Variants in LMNTD1 observed in about 807,000 individuals in gnomAD.
LMNTD1 encodes lamin tail domain-containing protein 1.
In LMNTD1, 35 loss-of-function variants were observed where a neutral mutation model predicts 50.9. The ratio of observed to expected loss-of-function variants is 0.69; its 90% CI spans 0.53 to 0.91. LMNTD1 has a LOEUF of 0.91. LMNTD1 is among the 40% of genes least tolerant of loss of function. The pLI, the probability that LMNTD1 is intolerant of heterozygous loss-of-function variation, is 0.00. For missense variants in LMNTD1, 470 were observed against 475.5 expected (o/e 0.99, Z 0.11); for synonymous variants, 153 against 161.9 (o/e 0.94, Z 0.42).
At chr12:25,572,933 C>T (rs1425385122) in intron 1 of LMNTD1, among the ~76,000 whole-genome samples, 3 of 152,044 alleles carry the variant, frequency 2.0e-5, no homozygotes, top group African/African-American at 7.2e-5. Flanking sequence ...GTAAGTCACG[C>T]CTGCTCTCAG....
chr12:25,622,326 C>T (rs950620564), intron 1 of LMNTD1, among the ~76,000 whole-genome samples: 14 of 152,064 alleles, frequency 9.2e-5, no homozygotes, highest in Non-Finnish European at 1.5e-4. Flanking sequence ...CTAACTTCAC[C>T]GTATGACTTA....
intron 1 of LMNTD1, among the ~76,000 whole-genome samples, chr12:25,572,883 A>C (rs1944853576): frequency 7.1e-6 from 1 of 141,254 alleles, no homozygotes; most frequent in Admixed American, 7.8e-5. Context: ...TTTACTGCTC[A>C]CTCGCATTTC....
intron 1 of LMNTD1, among the ~76,000 whole-genome samples, chr12:25,625,634 T>G (rs1250050772): frequency 1.3e-5 from 2 of 152,326 alleles, no homozygotes; most frequent in Middle Eastern, 3.4e-3. Flanking sequence ...TTAAGCTAGT[T>G]CTTTTCAGAC....
rs1456752589 is a variant in LMNTD1, at chr12:25,519,856, A to T, written c.1016+2T>A. ...AAAACAAACAAACCAAACAACCCTT[A>T]CCTCTTAAGAAGAACTTGAGCTTGT... On this transcript the variant is annotated splice_donor_variant, in intron 7 of 9. Transcript: ENST00000458174. LOFTEE classifies it high-confidence loss of function. The T allele has an allele frequency of 1.9e-6, 3 of 1,603,272 alleles. No homozygotes were observed. The highest frequency in any genetic ancestry group is 1.7e-5 in the Admixed American group (1 of 59,838).
intron 4 of LMNTD1, among the ~76,000 whole-genome samples, chr12:25,529,073 G>C (rs1321088064): frequency 6.6e-6 from 1 of 152,104 alleles, no homozygotes; most frequent in Non-Finnish European, 1.5e-5. Context: ...GCAACTGTTA[G>C]TCTATATCTT....
intron 4 of LMNTD1, among the ~76,000 whole-genome samples, chr12:25,534,083 A>G (rs2136136548): frequency 6.6e-6 from 1 of 152,350 alleles, no homozygotes. Context: ...GGTCTTGGAT[A>G]TAGTGTAACT....
At chr12:25,519,798 A>G in intron 7 of LMNTD1, 60 bp downstream of exon 7, 1 of 1,111,150 alleles carries the variant, frequency 9.0e-7, no homozygotes, top group Non-Finnish European at 1.4e-6. Context: ...TCGTTCCCAC[A>G]TGCTTAGTTA....
At chr12:25,552,755 T>C (rs1471480015) in intron 2 of LMNTD1, 116 bp downstream of exon 2, 1 of 650,960 alleles carries the variant, frequency 1.5e-6, no homozygotes, top group Non-Finnish European at 2.7e-6. Flanking sequence ...TTGTGAGATA[T>C]ATTCTAGTTC....
upstream of LMNTD1, among the ~76,000 whole-genome samples, chr12:25,555,879 G>C (rs140201624): frequency 5.3e-4 from 80 of 151,746 alleles, no homozygotes; most frequent in Middle Eastern, 3.4e-3. Flanking sequence ...TGTTAATGGT[G>C]TCATCAACAT....
intron 1 of LMNTD1, among the ~76,000 whole-genome samples, chr12:25,597,075 A>G (rs1945858522): frequency 6.6e-6 from 1 of 152,126 alleles, no homozygotes; most frequent in South Asian, 2.1e-4. Flanking sequence ...CACGAAAAAT[A>G]AAAAGCAAGA....
chr12:25,609,003 G>A (rs1369260406), intron 1 of LMNTD1, among the ~76,000 whole-genome samples: 2 of 152,072 alleles, frequency 1.3e-5, no homozygotes, highest in East Asian at 3.8e-4. Flanking sequence ...CATATTTCTT[G>A]GAGGCTTTGT....
At chr12:25,641,793 CA>C (rs1164884415) in intron 1 of LMNTD1, among the ~76,000 whole-genome samples, 1 of 152,066 alleles carries the variant, frequency 6.6e-6, no homozygotes, top group East Asian at 1.9e-4. Context: ...GGAAATTAAA[CA>C]ACTGCTGAAA....
chr12:25,627,918 G>A (rs1216858655), intron 1 of LMNTD1, among the ~76,000 whole-genome samples: 2 of 151,552 alleles, frequency 1.3e-5, no homozygotes, highest in Non-Finnish European at 2.9e-5. Context: ...GACCATCCTG[G>A]CTAACACGGT....
chr12:25,539,606 C>A (rs1023956034), intron 4 of LMNTD1, among the ~76,000 whole-genome samples: 1 of 151,402 alleles, frequency 6.6e-6, no homozygotes, highest in Non-Finnish European at 1.5e-5. Context: ...GCACTAAATG[C>A]CCACAAGAGA....
chr12:25,539,264 A>G (rs2136177564), intron 4 of LMNTD1, among the ~76,000 whole-genome samples: 1 of 151,012 alleles, frequency 6.6e-6, no homozygotes, highest in African/African-American at 2.4e-5. Flanking sequence ...AAATCAACAG[A>G]ATATACATTT....
intron 1 of LMNTD1, among the ~76,000 whole-genome samples, chr12:25,632,126 A>G (rs1460516439): frequency 6.6e-6 from 1 of 152,234 alleles, no homozygotes; most frequent in Non-Finnish European, 1.5e-5. Context: ...GAAAATATGA[A>G]CAAAGCCTCC....
At chr12:25,543,521 A>G (rs1261784976) in intron 4 of LMNTD1, among the ~76,000 whole-genome samples, 5 of 152,002 alleles carry the variant, frequency 3.3e-5, no homozygotes, top group Non-Finnish European at 5.9e-5. Context: ...GATACAATCC[A>G]ACACCATGGA....
intron 9 of LMNTD1, among the ~76,000 whole-genome samples, chr12:25,481,864 T>TACACACAC (rs1938455003): frequency 2.4e-5 from 2 of 82,444 alleles, no homozygotes; most frequent in Non-Finnish European, 5.2e-5. Flanking sequence ...ATATTGCCTC[T>TACACACAC]TCACACACAC....
intron 1 of LMNTD1, among the ~76,000 whole-genome samples, chr12:25,582,866 G>A (rs552337056): frequency 2.6e-5 from 4 of 152,260 alleles, no homozygotes; most frequent in Admixed American, 2.6e-4. Context: ...TTATTTATTT[G>A]AGAGTAGGTC....
Sources: gnomAD v4.1 joint callset for allele counts (sites outside exome capture counted in the v4.1 genomes callset) on GRCh38, gnomAD v4.1.1 for gene constraint, MANE v1.5 for transcripts, NCBI Gene and HGNC (gene_info 2026-07-23, HGNC 2026-07-21) for gene names.